The following NAT10 variants were observed in gnomAD, a reference collection of about 807,000 sequenced individuals.
The protein encoded by NAT10 is N-acetyltransferase 10.
NAT10 carries 109 observed loss-of-function variants against 132.2 expected under a neutral mutation model. The observed-to-expected ratio is 0.82, with a 90% CI of 0.71 to 0.97. NAT10 has a LOEUF of 0.97. NAT10 is among the 50% of genes least tolerant of loss of function. NAT10 has a pLI of 0.00. For missense variants in NAT10, 1,184 were observed against 1,263.4 expected (o/e 0.94, Z 0.95); for synonymous variants, 479 against 478.0 (o/e 1.00, Z -0.03).
intron 1 of NAT10, among the ~76,000 whole-genome samples, chr11:34,107,579 A>G (rs762089166): frequency 1.3e-5 from 2 of 152,156 alleles, no homozygotes; most frequent in Non-Finnish European, 2.9e-5. Context: ...AAATGTTATC[A>G]TACTTTATTC....
At chr11:34,143,359 T>G in intron 27 of NAT10, 86 bp from the exon 28 acceptor site, 1 of 1,187,138 alleles carries the variant, frequency 8.4e-7, no homozygotes, top group Non-Finnish European at 1.2e-6. Flanking sequence ...AAGTGTCTGA[T>G]AAGAATGTTG....
At chr11:34,116,557 A>G (rs2134158884) in intron 6 of NAT10, among the ~76,000 whole-genome samples, 1 of 151,582 alleles carries the variant, frequency 6.6e-6, no homozygotes, top group South Asian at 2.1e-4. Context: ...AGCTGGGATT[A>G]CAGGTGCCCG....
At chr11:34,143,039 G>A (rs1025990895) in intron 27 of NAT10, among the ~76,000 whole-genome samples, 1 of 152,228 alleles carries the variant, frequency 6.6e-6, no homozygotes, top group East Asian at 1.9e-4. Flanking sequence ...AAGGGAGGGA[G>A]GGGAGAGGCA....
In NAT10 at chr11:34,137,114, C is replaced by A. The variant is rs1852231810; in HGVS notation, c.2211+88C>A. 8.6e-6 allele frequency: 12 copies of A among 1,396,642 alleles called. No homozygotes were observed. The South Asian group carries it at 1.4e-4, about 16-fold the overall frequency. The allele number at this position is 1,396,642 out of a possible 1,614,324, so 86.5% of individuals were successfully genotyped here. On this transcript the variant is annotated intron_variant, in intron 21 of 28. Transcript: ENST00000257829. The stretch of plus-strand genomic sequence containing the variant: ...TCCTTGCAAAGAGCCCTAGTGCCTC[C>A]CTGCTGCATCGCTCTGAGCAGGTGG...
intron 27 of NAT10, among the ~76,000 whole-genome samples, chr11:34,143,190 C>T (rs1224827766): frequency 2.0e-5 from 3 of 152,182 alleles, no homozygotes; most frequent in Non-Finnish European, 4.4e-5. Context: ...CAGGACTGTC[C>T]TCACTGACCC....
intron 8 of NAT10, among the ~76,000 whole-genome samples, chr11:34,120,424 C>G (rs551247040): frequency 6.6e-6 from 1 of 152,306 alleles, no homozygotes; most frequent in Non-Finnish European, 1.5e-5. Flanking sequence ...GAAGCCTCTC[C>G]CCTTCCATCT....
intron 2 of NAT10, 83 bp downstream of exon 2, chr11:34,108,416 C>T (rs772356752): frequency 9.9e-6 from 11 of 1,106,146 alleles, no homozygotes; most frequent in Non-Finnish European, 1.5e-5. Context: ...TGTTTCAGGA[C>T]ATAATGGCAT....
Position 34,108,849 on chromosome 11 carries a change from C to T in NAT10, c.200+16C>T. Reference sequence around the variant, plus strand: ...GGTTTAGCAGGTAAGCTGGGCTCTTCATGTGTTTTATCCAACTTACAATTC... The same window carrying T: ...GGTTTAGCAGGTAAGCTGGGCTCTTTATGTGTTTTATCCAACTTACAATTC... On this transcript the variant is annotated intron_variant, in intron 3 of 28. Transcript: ENST00000257829. The T allele has an allele frequency of 6.3e-7, 1 of 1,598,384 alleles. No individual in the cohort carries two copies. Among genetic ancestry groups the T allele is most frequent in the Non-Finnish European group, 8.5e-7 (1 of 1,173,900 alleles).
Position 34,134,330 on chromosome 11 carries a change from A to C in NAT10, c.1746A>C (p.Glu582Asp). Residue 582 changes from glutamate to aspartate, a missense_variant, in exon 17 of 29, where the codon GAA becomes GAC. Physicochemically the swap from Glu to Asp is conservative, Grantham distance 45 (BLOSUM62 2). Coordinates refer to ENST00000257829, the MANE Select transcript of NAT10 (RefSeq NM_024662.3). ...EVLAVIQVCLEGEISRQSILN... is the reference protein window; with the variant it reads ...EVLAVIQVCLDGEISRQSILN... ...TGCTTCCCCCACAGGTGTGCCTTGA[A>C]GGGGAGATTTCTCGCCAGTCCATCT... 6.2e-7 allele frequency: 1 copy of C among 1,614,106 alleles called. No individual in the cohort carries two copies. Among genetic ancestry groups the C allele is most frequent in the Non-Finnish European group, 8.5e-7 (1 of 1,179,988 alleles).
At chr11:34,110,556 TC>T (rs1187837675) in intron 3 of NAT10, among the ~76,000 whole-genome samples, 4 of 144,546 alleles carry the variant, frequency 2.8e-5, no homozygotes, top group Non-Finnish European at 6.0e-5. Context: ...TTTTTTTCTT[TC>T]CCTTTTTTTT....
chr11:34,109,598 T>G (rs1851658016), intron 3 of NAT10, among the ~76,000 whole-genome samples: 1 of 152,246 alleles, frequency 6.6e-6, no homozygotes, highest in African/African-American at 2.4e-5. Context: ...CTGCTGTATT[T>G]GACAGTTGGC....
intron 28 of NAT10, 99 bp from the exon 29 acceptor site, chr11:34,145,985 G>T: frequency 1.2e-6 from 1 of 828,180 alleles, no homozygotes; most frequent in Non-Finnish European, 1.9e-6. Context: ...AGTTTCAGAC[G>T]GTGGAAACCC....
At chr11:34,141,623 C>T (rs2132982440) in intron 25 of NAT10, 96 bp from the exon 26 acceptor site, 2 of 1,059,748 alleles carry the variant, frequency 1.9e-6, no homozygotes, top group Admixed American at 4.1e-5. Flanking sequence ...CTTCAAAATG[C>T]ACACCTTTCT....
chr11:34,130,175 G>A (rs1852079853), intron 12 of NAT10, among the ~76,000 whole-genome samples: 1 of 152,146 alleles, frequency 6.6e-6, no homozygotes, highest in Non-Finnish European at 1.5e-5. Context: ...TGTGACTAAA[G>A]ACAAGGAGAA....
At position 34,142,338 on chromosome 11, in the gene NAT10, G is replaced by A; in HGVS notation, c.2875G>A (p.Asp959Asn). The A allele has an allele frequency of 2.5e-6, 4 of 1,614,068 alleles. No homozygotes were observed. Among genetic ancestry groups the A allele is most frequent in the Admixed American group, 1.7e-5 (1 of 60,020 alleles). ...GGAAGTAGGGAAGCTGAAGAGCATG[G>A]ACCTCTCTGAGTAAGGCTTGTGGGA... ...KKEVGKLKSM[D>N]LSEYIIRGDD... is the part of the protein sequence containing the mutation. Residue 959 changes from aspartate (D) to asparagine (N), a missense_variant, in exon 27 of 29, where the codon GAC becomes AAC. Transcript: ENST00000257829.
chr11:34,118,171 G>C lies in NAT10; in HGVS notation c.558-9G>C. 1 of 1,606,514 alleles carries C rather than the reference G, an allele frequency of 6.2e-7. No individual in the cohort carries two copies. Among genetic ancestry groups the C allele is most frequent in the Non-Finnish European group, 8.5e-7 (1 of 1,173,188 alleles). ...CCCAACACTTCATTGCAGCGGTTTT[G>C]TATCTCAGGTTTATTCTGTCTCTGG... On this transcript the variant is annotated splice_polypyrimidine_tract_variant and intron_variant, in intron 6 of 28. Coordinates refer to ENST00000257829, the MANE Select transcript of NAT10 (RefSeq NM_024662.3).
intron 13 of NAT10, among the ~76,000 whole-genome samples, 160 bp downstream of exon 13, chr11:34,131,097 C>T (rs1486365015): frequency 1.3e-5 from 2 of 152,116 alleles, no homozygotes; most frequent in African/African-American, 4.8e-5. Flanking sequence ...TTCGGAGGAA[C>T]AGCAGTCCAG....
At chr11:34,112,595 CCAACCGGAT>C (rs1171759678) in intron 4 of NAT10, among the ~76,000 whole-genome samples, 1 of 152,186 alleles carries the variant, frequency 6.6e-6, no homozygotes, top group Non-Finnish European at 1.5e-5. Context: ...GACTTGTTTT[CCAACCGGAT>C]ATAGACCAAT....
chr11:34,109,245 C>G (rs1851651458), intron 3 of NAT10, among the ~76,000 whole-genome samples: 1 of 152,132 alleles, frequency 6.6e-6, no homozygotes, highest in South Asian at 2.1e-4. Flanking sequence ...CCTCCCTCAC[C>G]TCTTTCAGGA....
Sources: gnomAD v4.1 joint callset for allele counts (sites outside exome capture counted in the v4.1 genomes callset) on GRCh38, gnomAD v4.1.1 for gene constraint, MANE v1.5 for transcripts, NCBI Gene and HGNC (gene_info 2026-07-23, HGNC 2026-07-21) for gene names.